Variants in PIK3CB observed in about 807,000 individuals in gnomAD.
The protein encoded by PIK3CB is phosphatidylinositol-4,5-bisphosphate 3-kinase catalytic subunit beta.
Under a neutral mutation model 136.8 loss-of-function variants are expected in PIK3CB, and 39 were observed. The ratio of observed to expected loss-of-function variants is 0.29; its 90% confidence interval spans 0.22 to 0.37. PIK3CB has a LOEUF of 0.37. PIK3CB is among the 10% of genes least tolerant of loss of function. The pLI is 1.00. For missense variants in PIK3CB, 868 were observed against 1,275.4 expected, an observed-to-expected ratio of 0.68 and a Z score of 4.87; for synonymous variants, 428 against 436.6, an observed-to-expected ratio of 0.98 and a Z score of 0.25.
chr3:138,685,615 C>T (rs1014962407), intron 16 of PIK3CB, among the ~76,000 whole-genome samples: 2 of 152,014 alleles, frequency 1.3e-5, no homozygotes, highest in Admixed American at 1.3e-4. Flanking sequence ...CTTGTCATCA[C>T]TCTTGTATGA....
rs753498865 is a variant in PIK3CB, at chr3:138,655,043, C to T, written c.*346G>A. The T allele has an allele frequency of 3.5e-4, 87 of 250,420 alleles. No homozygotes were observed. Among genetic ancestry groups the T allele is most frequent in the South Asian group, 5.6e-4 (4 of 7,086 alleles). The allele number at this position is 250,420 out of a possible 1,614,324, so 15.5% of individuals were successfully genotyped here. ...GCTGAGTGACAATACTTGGTCACAA[C>T]ATTGAAAAGAAGTATTTACACCATT... On this transcript the variant is annotated 3_prime_UTR_variant, in exon 24 of 24. Coordinates refer to ENST00000674063, the MANE Select transcript of PIK3CB (RefSeq NM_006219.3).
rs781491807 is a variant in PIK3CB at position 138,737,936 on chromosome 3, C to A, written c.622-50G>T. On this transcript the variant is annotated intron_variant, in intron 5 of 23. Transcript: ENST00000674063. ...AAAAGCAGTAAATGTTATATTTATGCTGAAAAATCACATTACAATCATTAT... is the reference window on the plus strand; with the variant it reads ...AAAAGCAGTAAATGTTATATTTATGATGAAAAATCACATTACAATCATTAT... The A allele has an allele frequency of 3.9e-5, 44 of 1,124,794 alleles. 1 individual carries two copies. The highest frequency in any genetic ancestry group is 2.5e-6 in the Non-Finnish European group (2 of 792,422). 69.7% of individuals were successfully genotyped at this position (1,124,794 alleles called of 1,614,324 possible).
chr3:138,665,886 C>T (rs1235033508), intron 19 of PIK3CB, among the ~76,000 whole-genome samples: 7 of 152,122 alleles, frequency 4.6e-5, no homozygotes, highest in Non-Finnish European at 8.8e-5. Flanking sequence ...AGCAATACGA[C>T]ATCAATGGGT....
chr3:138,688,500 C>CAAA (rs397991199), intron 16 of PIK3CB, among the ~76,000 whole-genome samples: 2,540 of 83,696 alleles, frequency 0.03, 169 homozygotes, highest in African/African-American at 0.12. Context: ...GACTCTGTCA[C>CAAA]AAAAAAAAAA....
chr3:138,788,655 T>TCAA (rs2046009926), intron 2 of PIK3CB, among the ~76,000 whole-genome samples: 1 of 25,210 alleles, frequency 4.0e-5, no homozygotes, highest in Non-Finnish European at 7.2e-5. Flanking sequence ...AGACTTTGTC[T>TCAA]CAAAAAAAAA....
intron 9 of PIK3CB, among the ~76,000 whole-genome samples, chr3:138,713,739 A>C (rs1380928024): frequency 6.6e-6 from 1 of 152,174 alleles, no homozygotes; most frequent in East Asian, 1.9e-4. Context: ...TTTTAAAAAC[A>C]TATAAAATTA....
intron 6 of PIK3CB, among the ~76,000 whole-genome samples, chr3:138,735,112 C>A (rs1407505640): frequency 2.0e-5 from 3 of 151,640 alleles, no homozygotes; most frequent in African/African-American, 7.3e-5. Context: ...CCATGCCCAG[C>A]CAATTTTTAT....
At chr3:138,810,513 C>A (rs1314051281) in intron 1 of PIK3CB, among the ~76,000 whole-genome samples, 1 of 151,744 alleles carries the variant, frequency 6.6e-6, no homozygotes, top group African/African-American at 2.4e-5. Flanking sequence ...CTCGCAAAAA[C>A]CCGTAATTCC....
chr3:138,688,960 A>T lies in PIK3CB; in HGVS notation c.2051T>A (p.Ile684Asn). 6.2e-7 allele frequency: 1 copy of T among 1,611,748 alleles called. No individual in the cohort carries two copies. Among genetic ancestry groups the T allele is most frequent in the Non-Finnish European group, 8.5e-7 (1 of 1,177,806 alleles). Residue 684 changes from isoleucine to asparagine, a missense_variant, in exon 16 of 24, where the codon ATT (isoleucine) becomes AAT (asparagine). Ile to Asn is a moderately radical substitution (Grantham distance 149). Around this residue, in one of 4 missense-constraint regions of PIK3CB, gnomAD observed 165 missense variants for 295.4 expected, o/e 0.56. Transcript: ENST00000674063. ...ACCAAATTGTACTGAGACAGCAGGA[A>T]TGTGCACTTCTGACCTGCAGAAAGT... ...LFWHLRSEVH[I>N]PAVSVQFGVI...
At chr3:138,789,243 G>C (rs1437239255) in intron 2 of PIK3CB, among the ~76,000 whole-genome samples, 1 of 152,138 alleles carries the variant, frequency 6.6e-6, no homozygotes, top group Non-Finnish European at 1.5e-5. Flanking sequence ...CAGACAGCTT[G>C]AGCCAGGTGT....
At chr3:138,799,650 T>C (rs2046150099) in intron 1 of PIK3CB, among the ~76,000 whole-genome samples, 1 of 152,016 alleles carries the variant, frequency 6.6e-6, no homozygotes, top group Admixed American at 6.6e-5. Flanking sequence ...TGTCTACAAC[T>C]AACCTCATCT....
intron 4 of PIK3CB, among the ~76,000 whole-genome samples, chr3:138,748,156 T>TACACACACACACACAC (rs3071146): frequency 7.0e-6 from 1 of 142,894 alleles, no homozygotes; most frequent in Non-Finnish European, 1.5e-5. Context: ...TTAGAAATCA[T>TACACACACACACACAC]ACACACACAC....
chr3:138,740,660 CT>C (rs113752178), intron 5 of PIK3CB, among the ~76,000 whole-genome samples: 115 of 148,470 alleles, frequency 7.7e-4, no homozygotes, highest in African/African-American at 2.3e-3. Flanking sequence ...AATATTGTAC[CT>C]TTTTTTTTTG....
chr3:138,755,517 A>C (rs1189190364), intron 4 of PIK3CB, among the ~76,000 whole-genome samples: 3 of 152,098 alleles, frequency 2.0e-5, no homozygotes, highest in Non-Finnish European at 4.4e-5. Context: ...TTAGACAACA[A>C]AAACATATAC....
intron 7 of PIK3CB, 89 bp downstream of exon 7, chr3:138,734,545 G>T: frequency 1.1e-6 from 1 of 914,820 alleles, no homozygotes; most frequent in Non-Finnish European, 1.6e-6. Context: ...AGAAGGAGAA[G>T]TGAGCAAAGG....
At chr3:138,743,001 T>A (rs746678675) in intron 4 of PIK3CB, among the ~76,000 whole-genome samples, 133 of 152,266 alleles carry the variant, frequency 8.7e-4, no homozygotes, top group East Asian at 7.7e-4. Context: ...TATATTTTTT[T>A]AAAAAATACA....
chr3:138,758,965 C>T (rs1372306319), intron 3 of PIK3CB, among the ~76,000 whole-genome samples: 4 of 152,060 alleles, frequency 2.6e-5, no homozygotes, highest in Non-Finnish European at 4.4e-5. Flanking sequence ...ATTTCAAAGA[C>T]GAACTCAAAA....
At position 138,665,168 on chromosome 3, in the gene PIK3CB, C is replaced by T. The variant is rs139325460; in HGVS notation, c.2540G>A (p.Arg847His). 4.2e-5 allele frequency: 68 copies of T among 1,610,014 alleles called. No individual in the cohort carries two copies. Among genetic ancestry groups the T allele is most frequent in the Non-Finnish European group, 5.3e-5 (62 of 1,177,902 alleles). Reference protein sequence around the residue: ...LPYGCLATGDRSGLIEVVSTS... With the variant: ...LPYGCLATGDHSGLIEVVSTS... ...GCTCACAACTTCAATGAGGCCAGAG[C>T]GATCTCCTGTTGCTAAACAGCCATA... is the stretch of plus-strand genomic sequence containing the variant. Residue 847 changes from arginine to histidine, a missense_variant, in exon 20 of 24, where the codon CGC becomes CAC. Arg to His is a conservative substitution (Grantham distance 29). This residue lies in a region of PIK3CB where 165 missense variants were observed against 295.4 expected (regional missense o/e 0.56). Coordinates refer to ENST00000674063, the MANE Select transcript of PIK3CB (RefSeq NM_006219.3).
chr3:138,795,276 C>T (rs1006308065), intron 2 of PIK3CB, among the ~76,000 whole-genome samples: 2 of 146,446 alleles, frequency 1.4e-5, no homozygotes, highest in Admixed American at 1.4e-4. Context: ...GCCGAGATCA[C>T]ACCACAGCAC....
Sources: allele counts gnomAD v4.1 joint callset (sites outside exome capture counted in the v4.1 genomes callset), GRCh38; gene constraint gnomAD v4.1.1; regional missense constraint gnomAD v4.1.1; transcripts MANE v1.5; gene names NCBI Gene and HGNC (gene_info 2026-07-23, HGNC 2026-07-21).